Variants in UGT1A8 observed in about 807,000 individuals in gnomAD.
UGT1A8 encodes UDP-glucuronosyltransferase 1A8.
A neutral mutation model predicts 45.3 loss-of-function variants in UGT1A8; 39 were observed. That is an observed-to-expected ratio of 0.86 (90% confidence interval 0.67 to 1.12). UGT1A8 has a LOEUF of 1.12. UGT1A8 is among the 50% of genes most tolerant of loss of function. The pLI, the probability that UGT1A8 is intolerant of heterozygous loss-of-function variation, is 0.00. For missense variants in UGT1A8, 719 were observed against 664.9 expected, an observed-to-expected ratio of 1.08 and a Z score of -0.90; for synonymous variants, 275 against 249.2, an observed-to-expected ratio of 1.10 and a Z score of -0.97.
chr2:233,622,981 G>C (rs555984137), intron 1 of UGT1A8, among the ~76,000 whole-genome samples: 197 of 152,178 alleles, frequency 1.3e-3, no homozygotes, highest in African/African-American at 4.6e-3. Context: ...ATTAAATAAG[G>C]AATATTTTCC....
chr2:233,693,273 G>A lies in UGT1A8; in HGVS notation c.856-73761G>A, dbSNP rs147761911. ...TATGACCAAGAAGAGCTGAAGAACC[G>A]TTACCAATCATTTGGAAACAATCAC... On this transcript the variant is annotated intron_variant, in intron 1 of 4. Transcript: ENST00000373450. 123 of 1,614,074 alleles carry A rather than the reference G, an allele frequency of 7.6e-5. No individual in the cohort carries two copies. Among genetic ancestry groups the A allele is most frequent in the Middle Eastern group, 3.3e-4 (2 of 6,060 alleles).
At chr2:233,716,520 C>G (rs2076508094) in intron 1 of UGT1A8, among the ~76,000 whole-genome samples, 1 of 152,162 alleles carries the variant, frequency 6.6e-6, no homozygotes, top group Non-Finnish European at 1.5e-5. Flanking sequence ...CTCAGCTTAC[C>G]ATTCAATTAT....
rs757592840 is a variant in UGT1A8, at chr2:233,693,218, T to C, written c.856-73816T>C. On this transcript the variant is annotated intron_variant, in intron 1 of 4. Transcript: ENST00000373450. The stretch of plus-strand genomic sequence containing the variant: ...TAATTTGCTTTTGAAAGAATCCAAA[T>C]ACTACACAAGAAAAATCTATCCAGT... The C allele has an allele frequency of 3.7e-6, 6 of 1,614,046 alleles. No homozygotes were observed. In the African/African-American group the frequency reaches 8.0e-5, roughly 22 times the overall value.
intron 1 of UGT1A8, among the ~76,000 whole-genome samples, chr2:233,675,777 A>T (rs1327372769): frequency 1.3e-5 from 2 of 152,202 alleles, no homozygotes; most frequent in Non-Finnish European, 2.9e-5. Flanking sequence ...AAAACTTTTA[A>T]AAATAAATTT....
In UGT1A8 at chr2:233,644,295, C is replaced by T. The variant is rs112205434; in HGVS notation, c.855+25733C>T. Among the ~76,000 whole-genome samples, 309 of 152,276 alleles carry T rather than the reference C, an allele frequency of 2.0e-3. 1 individual carries two copies. The highest frequency in any genetic ancestry group is 6.8e-3 in the Middle Eastern group (2 of 294). ...TTAAATGCTCCCTCAATGCTGGGCACGGTGGCTCATGCCTGTAATCCCAGC... is the reference window on the plus strand; with the variant it reads ...TTAAATGCTCCCTCAATGCTGGGCATGGTGGCTCATGCCTGTAATCCCAGC... On this transcript the variant is annotated intron_variant, in intron 1 of 4. Coordinates refer to ENST00000373450, the MANE Select transcript of UGT1A8 (RefSeq NM_019076.5).
chr2:233,695,558 A>G (rs544000149), intron 1 of UGT1A8, among the ~76,000 whole-genome samples: 2 of 150,968 alleles, frequency 1.3e-5, no homozygotes, highest in South Asian at 2.1e-4. Context: ...TTAACCAACC[A>G]TTTTCACCCC....
intron 1 of UGT1A8, chr2:233,690,641 C>T (rs1270518819): frequency 1.6e-6 from 2 of 1,287,710 alleles, no homozygotes; most frequent in Non-Finnish European, 2.0e-6. Flanking sequence ...CTGAGGACAC[C>T]TTGACTCCTA....
intron 1 of UGT1A8, among the ~76,000 whole-genome samples, chr2:233,667,004 A>G (rs1258502938): frequency 6.6e-6 from 1 of 152,168 alleles, no homozygotes; most frequent in Non-Finnish European, 1.5e-5. Flanking sequence ...GCTGCATAGT[A>G]TTCCATGGTG....
At chr2:233,682,175 T>G (rs145733073) in intron 1 of UGT1A8, 117 of 1,614,190 alleles carry the variant, frequency 7.2e-5, no homozygotes, top group South Asian at 8.8e-5. Flanking sequence ...TTACTCAACC[T>G]CATACACTCT....
chr2:233,687,875 T>C (rs903135519), intron 1 of UGT1A8, among the ~76,000 whole-genome samples: 2 of 152,110 alleles, frequency 1.3e-5, no homozygotes, highest in African/African-American at 4.8e-5. Context: ...TCCACTCCAC[T>C]CCAGCCTGGG....
chr2:233,765,361 G>A (rs1166048656), intron 1 of UGT1A8, among the ~76,000 whole-genome samples: 1 of 152,180 alleles, frequency 6.6e-6, no homozygotes, highest in Non-Finnish European at 1.5e-5. Context: ...CAACCCAGAT[G>A]CCCATCAATG....
intron 1 of UGT1A8, among the ~76,000 whole-genome samples, chr2:233,627,946 C>T (rs2073119964): frequency 1.3e-5 from 2 of 151,962 alleles, no homozygotes; most frequent in South Asian, 4.2e-4. Context: ...TTTACTCTGA[C>T]ATGCAATTTA....
chr2:233,755,135 T>C, intron 1 of UGT1A8: 2 of 1,315,650 alleles, frequency 1.5e-6, no homozygotes, highest in Non-Finnish European at 2.1e-6. Context: ...CCTGCTTGAA[T>C]CTTCTCACCG....
At chr2:233,672,716 A>G (rs2074238061) in intron 1 of UGT1A8, 1 of 1,613,960 alleles carries the variant, frequency 6.2e-7, no homozygotes, top group Non-Finnish European at 8.5e-7. Context: ...GTTTTGGACT[A>G]TCCCAAACCC....
intron 1 of UGT1A8, among the ~76,000 whole-genome samples, chr2:233,710,289 G>C (rs2076124208): frequency 6.6e-6 from 1 of 152,208 alleles, no homozygotes; most frequent in African/African-American, 2.4e-5. Flanking sequence ...TTAAAAGTGG[G>C]ATTGTTGGGT....
Position 233,719,305 on chromosome 2 carries a change from C to T in UGT1A8, c.856-47729C>T, listed in dbSNP as rs149960993. 1.9e-6 allele frequency: 3 copies of T among 1,613,868 alleles called. No individual in the cohort carries two copies. The African/African-American group carries it at 4.0e-5, about 22-fold the overall frequency. ...GTTAACCTCTGTGGGGCGGTGCTGG[C>T]TAAGTACCTGTCGATTCCTGCTGTG... On this transcript the variant is annotated intron_variant, in intron 1 of 4. Coordinates refer to ENST00000373450, the MANE Select transcript of UGT1A8 (RefSeq NM_019076.5).
rs549830960 is a variant in UGT1A8 at position 233,681,501 on chromosome 2, A to G, written c.855+62939A>G. 2.6e-4 allele frequency among the ~76,000 whole-genome samples: 37 copies of G among 143,558 alleles called. 1 individual carries two copies. Among genetic ancestry groups the G allele is most frequent in the African/African-American group, 9.4e-4 (36 of 38,412 alleles). 94.2% of individuals were successfully genotyped at this position (143,558 alleles called of 152,430 possible). A position where few individuals can be genotyped will look rare whatever the true frequency, so the allele number is the denominator to read the frequency against. The stretch of plus-strand genomic sequence containing the variant: ...AGCCTAGATCTTACCACTGCACTCC[A>G]GCCTGGATGACACAGTGAGACTCCA... On this transcript the variant is annotated intron_variant, in intron 1 of 4. Transcript: ENST00000373450.
At chr2:233,685,469 C>T (rs1221613108) in intron 1 of UGT1A8, among the ~76,000 whole-genome samples, 1 of 152,188 alleles carries the variant, frequency 6.6e-6, no homozygotes, top group Admixed American at 6.5e-5. Context: ...GCCAGTGCAG[C>T]TCTGGAGAAC....
At chr2:233,729,527 A>T in intron 1 of UGT1A8, 1 of 1,614,206 alleles carries the variant, frequency 6.2e-7, no homozygotes, top group Non-Finnish European at 8.5e-7. Context: ...CTACTACATA[A>T]TGAGGCCCTG....
Sources: allele counts gnomAD v4.1 joint callset (sites outside exome capture counted in the v4.1 genomes callset), GRCh38; gene constraint gnomAD v4.1.1; transcripts MANE v1.5; gene names NCBI Gene and HGNC (gene_info 2026-07-23, HGNC 2026-07-21).